Variants in VPS8 observed in about 807,000 individuals in gnomAD.
VPS8 encodes VPS8 subunit of CORVET complex, also known as vacuolar protein sorting-associated protein 8 homolog.
Under a neutral mutation model 216.4 loss-of-function variants are expected in VPS8, and 129 were observed. That is an observed-to-expected ratio of 0.60 (90% CI 0.52 to 0.69). The LOEUF is 0.69. Among genes scored for constraint, VPS8 ranks in the 30% least tolerant of loss-of-function variants. VPS8 has a pLI of 0.00. For synonymous variants in VPS8, 571 were observed against 565.4 expected, an observed-to-expected ratio of 1.01 and a Z score of -0.14; for missense variants, 1,531 against 1,683.5, an observed-to-expected ratio of 0.91 and a Z score of 1.59.
chr3:184,950,105 A>ACCATGTTG (rs2109399582), intron 36 of VPS8, among the ~76,000 whole-genome samples: 1 of 150,048 alleles, frequency 6.7e-6, no homozygotes, highest in African/African-American at 2.5e-5. Flanking sequence ...ATGAGGTTTC[A>ACCATGTTG]CCATGTTGCC....
intron 7 of VPS8, among the ~76,000 whole-genome samples, chr3:184,841,604 C>T (rs947274478): frequency 2.0e-5 from 3 of 152,122 alleles, no homozygotes; most frequent in Admixed American, 2.0e-4. Context: ...AGGAGATGAA[C>T]ATTAAGGACT....
chr3:185,013,765 C>A (rs1446043563), intron 45 of VPS8, among the ~76,000 whole-genome samples: 1 of 152,200 alleles, frequency 6.6e-6, no homozygotes, highest in Non-Finnish European at 1.5e-5. Flanking sequence ...TACTTCTTAC[C>A]ATTTCTACCA....
chr3:184,843,164 G>A, intron 7 of VPS8, 76 bp from the exon 8 acceptor site: 1 of 1,152,822 alleles, frequency 8.7e-7, no homozygotes, highest in Non-Finnish European at 1.2e-6. Context: ...TTTTTTACCT[G>A]CCTTTTCTTC....
At chr3:184,816,275 T>A (rs1039194571) in intron 1 of VPS8, 4 of 152,242 alleles carry the variant, frequency 2.6e-5, no homozygotes, top group African/African-American at 7.2e-5. Context: ...TTTTGTATAT[T>A]GTGATAGGGG....
chr3:185,035,347 C>T (rs1406649250), intron 46 of VPS8, among the ~76,000 whole-genome samples: 1 of 151,982 alleles, frequency 6.6e-6, no homozygotes, highest in African/African-American at 2.4e-5. Flanking sequence ...AACATAGATG[C>T]AAAAATCCTC....
chr3:184,867,989 G>T (rs1289749890), intron 17 of VPS8, 35 bp from the exon 18 acceptor site: 1 of 1,611,338 alleles, frequency 6.2e-7, no homozygotes, highest in South Asian at 1.1e-5. Context: ...TCTGTTAAGG[G>T]TGATCATTTT....
In VPS8 at chr3:184,966,698, A is replaced by G. The variant is rs1312510109; in HGVS notation, c.3301A>G (p.Thr1101Ala). 1.3e-6 allele frequency: 2 copies of G among 1,593,042 alleles called. No homozygotes were observed. Among genetic ancestry groups the G allele is most frequent in the Non-Finnish European group, 1.7e-6 (2 of 1,166,746 alleles). Residue 1101 changes from threonine (T) to alanine (A), a missense_variant, in exon 39 of 48, where the codon ACA (threonine) becomes GCA (alanine). Coordinates refer to ENST00000625842, the MANE Select transcript of VPS8 (RefSeq NM_001009921.3). Reference sequence around the variant, plus strand: ...ACTACAAAGCAAACTTCAAGAGGTAACACATCAAGGTGAAAGTAAGTTCTT... The same window carrying G: ...ACTACAAAGCAAACTTCAAGAGGTAGCACATCAAGGTGAAAGTAAGTTCTT... ...ERLQSKLQEV[T>A]HQGENTKEDP... is the part of the protein sequence containing the mutation.
intron 1 of VPS8, among the ~76,000 whole-genome samples, chr3:184,814,237 A>T (rs764845512): frequency 1.4e-4 from 21 of 152,238 alleles, no homozygotes; most frequent in Non-Finnish European, 1.9e-4. Flanking sequence ...GTATCACTAT[A>T]TCACTAAATC....
intron 3 of VPS8, among the ~76,000 whole-genome samples, chr3:184,829,089 C>T (rs993017407): frequency 2.0e-5 from 3 of 152,122 alleles, no homozygotes; most frequent in Non-Finnish European, 2.9e-5. Context: ...ATTCATTCTA[C>T]TGTTGATAGG....
chr3:184,852,687 A>G, intron 11 of VPS8, 120 bp downstream of exon 11: 4 of 906,998 alleles, frequency 4.4e-6, no homozygotes, highest in Middle Eastern at 3.3e-4. Flanking sequence ...ATGACTGTGT[A>G]TTACAATTAC....
chr3:184,919,393 T>C (rs1738207929), intron 28 of VPS8, among the ~76,000 whole-genome samples: 1 of 152,202 alleles, frequency 6.6e-6, no homozygotes, highest in Non-Finnish European at 1.5e-5. Context: ...TCAGTAAAAA[T>C]TTTCATTTCC....
chr3:184,941,244 A>ATTTAAATCTTGAATAGGCTGTGGTACG (rs1394923014), intron 36 of VPS8, among the ~76,000 whole-genome samples: 3 of 152,190 alleles, frequency 2.0e-5, no homozygotes, highest in Non-Finnish European at 4.4e-5. Context: ...AAGCTCAACC[A>ATTTAAATCTTGAATAGGCTGTGGTACG]TTTAAATCTT....
intron 1 of VPS8, among the ~76,000 whole-genome samples, chr3:184,821,898 C>T (rs1483800253): frequency 6.6e-6 from 1 of 152,064 alleles, no homozygotes; most frequent in Non-Finnish European, 1.5e-5. Flanking sequence ...TTAATGAATC[C>T]TGGTGAAAGA....
At position 184,957,518 on chromosome 3, in the gene VPS8, T is replaced by G. The variant is rs1221796424; in HGVS notation, c.3180T>G (p.Ile1060Met). 3 of 1,608,562 alleles carry G rather than the reference T, an allele frequency of 1.9e-6. No individual in the cohort carries two copies. The African/African-American group carries it at 4.0e-5, about 21-fold the overall frequency. The change falls in exon 37 of 48, where the codon ATT (isoleucine) becomes ATG (methionine). Residue 1060 changes from isoleucine (I) to methionine (M), a missense_variant. Physicochemically the swap from Ile to Met is conservative, Grantham distance 10 (BLOSUM62 1). Around this residue, in one of 3 missense-constraint regions of VPS8, gnomAD observed 1,318 missense variants for 1,468.4 expected, o/e 0.90. Transcript: ENST00000625842. ...AGTGCTACCGTCTGGAAGAAACTAT[T>G]CAGGTGAGACGAACAATGTAAAAGA... The part of the protein sequence containing the change: ...VLECYRLEET[I>M]QITQKYQLHE...
At chr3:184,988,342 G>A (rs867150602) in intron 42 of VPS8, among the ~76,000 whole-genome samples, 1 of 152,012 alleles carries the variant, frequency 6.6e-6, no homozygotes, top group African/African-American at 2.4e-5. Flanking sequence ...TAATTTTGGG[G>A]GAAAATATAT....
chr3:184,901,089 A>G, intron 25 of VPS8, 117 bp downstream of exon 25: 2 of 850,190 alleles, frequency 2.4e-6, no homozygotes, highest in Admixed American at 2.7e-5. Context: ...ATGTACAGTC[A>G]TGTAACACCA....
chr3:185,004,811 C>T (rs1754011255), intron 45 of VPS8, among the ~76,000 whole-genome samples: 1 of 152,052 alleles, frequency 6.6e-6, no homozygotes, highest in Admixed American at 6.5e-5. Context: ...ACTCTATGGG[C>T]TGTCTGTTTA....
chr3:184,926,112 A>G (rs894369915), intron 30 of VPS8, among the ~76,000 whole-genome samples: 1 of 145,458 alleles, frequency 6.9e-6, no homozygotes, highest in Admixed American at 6.8e-5. Context: ...GCGATGGCTC[A>G]CGCCTGTAAT....
intron 28 of VPS8, among the ~76,000 whole-genome samples, chr3:184,916,053 C>G (rs1251786312): frequency 6.6e-6 from 1 of 151,974 alleles, no homozygotes; most frequent in Non-Finnish European, 1.5e-5. Flanking sequence ...CTAACACACA[C>G]TCATCAAAAA....
Sources: allele counts gnomAD v4.1 joint callset (sites outside exome capture counted in the v4.1 genomes callset), GRCh38; gene constraint gnomAD v4.1.1; regional missense constraint gnomAD v4.1.1; transcripts MANE v1.5; gene names NCBI Gene and HGNC (gene_info 2026-07-23, HGNC 2026-07-21).